Variants in RPS6KA2 observed in about 807,000 individuals in gnomAD.
RPS6KA2 encodes the protein ribosomal protein S6 kinase A2.
In RPS6KA2, 42 loss-of-function variants were observed where a neutral mutation model predicts 91.8. The ratio of observed to expected loss-of-function variants is 0.46; its 90% CI spans 0.36 to 0.59. The LOEUF is 0.59. RPS6KA2 is among the 20% of genes least tolerant of loss of function. RPS6KA2 has a pLI of 0.00. For synonymous variants in RPS6KA2, 414 were observed against 393.6 expected (o/e 1.05, Z -0.61); for missense variants, 798 against 978.5 (o/e 0.82, Z 2.46).
At chr6:166,537,221 A>C (rs1000215126) in intron 2 of RPS6KA2, among the ~76,000 whole-genome samples, 1 of 152,294 alleles carries the variant, frequency 6.6e-6, no homozygotes, top group Admixed American at 6.5e-5. Context: ...GAAACAATGC[A>C]TGGGCAACAC....
At chr6:166,457,710 C>T (rs1448908419) in intron 12 of RPS6KA2, among the ~76,000 whole-genome samples, 1 of 152,138 alleles carries the variant, frequency 6.6e-6, no homozygotes, top group Non-Finnish European at 1.5e-5. Flanking sequence ...AAAAGTCCCG[C>T]TAAAAGCCCC....
chr6:166,598,644 C>G (rs978258996), intron 1 of RPS6KA2, among the ~76,000 whole-genome samples: 5 of 152,156 alleles, frequency 3.3e-5, no homozygotes, highest in Non-Finnish European at 7.4e-5. Context: ...CATTTTGGCT[C>G]TAAGCGCCTC....
At chr6:166,760,541 T>C (rs1365278320) in intron 2 of RPS6KA2, among the ~76,000 whole-genome samples, 2 of 152,256 alleles carry the variant, frequency 1.3e-5, no homozygotes, top group African/African-American at 4.8e-5. Context: ...AGGTTGATTC[T>C]ATCGCTCCTG....
intron 1 of RPS6KA2, among the ~76,000 whole-genome samples, chr6:166,624,084 AAAAAAAT>A (rs1464594829): frequency 6.6e-6 from 1 of 152,188 alleles, no homozygotes; most frequent in African/African-American, 2.4e-5. Context: ...CTCATTATTT[AAAAAAAT>A]AAAAAATGAA....
chr6:166,621,825 C>T (rs961420155), intron 1 of RPS6KA2, among the ~76,000 whole-genome samples: 1 of 152,174 alleles, frequency 6.6e-6, no homozygotes, highest in African/African-American at 2.4e-5. Context: ...CTGGTTGACC[C>T]GAACGTTGCC....
intron 2 of RPS6KA2, among the ~76,000 whole-genome samples, chr6:166,531,649 G>A (rs1274440157): frequency 2.0e-5 from 3 of 152,168 alleles, no homozygotes; most frequent in Non-Finnish European, 4.4e-5. Flanking sequence ...AGATCCTTTG[G>A]TTTGAGTATC....
In RPS6KA2 at chr6:166,737,050, G is replaced by T. The variant is rs1373008008; in HGVS notation, c.123+121150C>A. Reference sequence around the variant, plus strand: ...AGGAAGGGAAAGAGAGCGGCAAAGCGCATGGAGCCTACGCTTTTTTACAGA... The same window carrying T: ...AGGAAGGGAAAGAGAGCGGCAAAGCTCATGGAGCCTACGCTTTTTTACAGA... On this transcript the variant is annotated intron_variant, in intron 2 of 21. Coordinates refer to the RPS6KA2 transcript ENST00000503859. This position sits in a 1 kb window ranked among gnomAD's most constrained non-coding sequence, Gnocchi z 4.3. Among the ~76,000 whole-genome samples the T allele has an allele frequency of 6.6e-6, 1 of 152,230 alleles. No homozygotes were observed. The highest frequency in any genetic ancestry group is 2.4e-5 in the African/African-American group (1 of 41,456).
chr6:166,700,867 CCT>C (rs1491506263), intron 2 of RPS6KA2, among the ~76,000 whole-genome samples: 22 of 152,132 alleles, frequency 1.4e-4, no homozygotes, highest in African/African-American at 5.1e-4. Context: ...CCTCTGCCAC[CCT>C]TTTTTTGTGT....
At chr6:166,574,341 G>A (rs530722988) in intron 1 of RPS6KA2, among the ~76,000 whole-genome samples, 27 of 152,240 alleles carry the variant, frequency 1.8e-4, no homozygotes, top group African/African-American at 5.3e-4. Flanking sequence ...AGCCCCCAGC[G>A]TCTGTTGTTC....
At chr6:166,811,302 C>A (rs1174874113) in intron 2 of RPS6KA2, among the ~76,000 whole-genome samples, 2 of 152,216 alleles carry the variant, frequency 1.3e-5, no homozygotes, top group Non-Finnish European at 2.9e-5. Flanking sequence ...TGGCCTCAGA[C>A]AGAGCTTGCC....
At chr6:166,522,350 C>T (rs935808102) in intron 3 of RPS6KA2, among the ~76,000 whole-genome samples, 1 of 152,258 alleles carries the variant, frequency 6.6e-6, no homozygotes, top group South Asian at 2.1e-4. Flanking sequence ...GGATGCCGCA[C>T]TGACCGTGCA....
At position 166,648,340 on chromosome 6, in the gene RPS6KA2, T is replaced by G. The variant is rs544652656; in HGVS notation, c.124-109556A>C. Among the ~76,000 whole-genome samples the G allele has an allele frequency of 2.6e-3, 392 of 149,640 alleles. 3 individuals are homozygous for G. Among genetic ancestry groups the G allele is most frequent in the Non-Finnish European group, 4.3e-3 (287 of 66,362 alleles). On this transcript the variant is annotated intron_variant, in intron 2 of 21. Coordinates refer to the RPS6KA2 transcript ENST00000503859. This position sits in a 1 kb window ranked among gnomAD's most constrained non-coding sequence, Gnocchi z 4.8. ...GCACACACACATACATGCACACGCT[T>G]CTCCTCACTCCCTGATTTTTATGCT...
intron 1 of RPS6KA2, among the ~76,000 whole-genome samples, chr6:166,625,085 G>A (rs1786805156): frequency 1.3e-5 from 2 of 152,124 alleles, no homozygotes; most frequent in South Asian, 4.1e-4. Flanking sequence ...GCCCGCCTTA[G>A]GCTCCCAAAG....
At chr6:166,424,465 G>C (rs1238575118) in intron 16 of RPS6KA2, among the ~76,000 whole-genome samples, 1 of 151,764 alleles carries the variant, frequency 6.6e-6, no homozygotes, top group Non-Finnish European at 1.5e-5. Flanking sequence ...AGTATTTCCT[G>C]CTTCAGGAGA....
intron 15 of RPS6KA2, among the ~76,000 whole-genome samples, chr6:166,431,286 C>G (rs975657511): frequency 2.6e-5 from 4 of 152,214 alleles, no homozygotes; most frequent in Non-Finnish European, 5.9e-5. Flanking sequence ...CTTGCAAGAG[C>G]AGGGCCTCAA....
chr6:166,713,818 A>C (rs1233719606), intron 2 of RPS6KA2, among the ~76,000 whole-genome samples: 1 of 152,250 alleles, frequency 6.6e-6, no homozygotes, highest in African/African-American at 2.4e-5. Flanking sequence ...CGTTATCTGC[A>C]GAGACGACTG....
chr6:166,755,144 CT>C (rs1777971025), intron 2 of RPS6KA2, among the ~76,000 whole-genome samples: 1 of 152,198 alleles, frequency 6.6e-6, no homozygotes, highest in African/African-American at 2.4e-5. Flanking sequence ...TGAAGGGTGG[CT>C]TGGAGGTTTG....
At chr6:166,752,750 T>C (rs1222058005) in intron 2 of RPS6KA2, among the ~76,000 whole-genome samples, 3 of 152,196 alleles carry the variant, frequency 2.0e-5, no homozygotes, top group African/African-American at 4.8e-5. Flanking sequence ...CACACCATTT[T>C]ATGTGGTTGT....
chr6:166,808,385 C>T (rs1351975297), intron 2 of RPS6KA2, among the ~76,000 whole-genome samples: 1 of 152,218 alleles, frequency 6.6e-6, no homozygotes, highest in Admixed American at 6.5e-5. Context: ...CTGGTTTCTA[C>T]TCCTCAGTGA....
Sources: allele counts gnomAD v4.1 joint callset (sites outside exome capture counted in the v4.1 genomes callset), GRCh38; gene constraint gnomAD v4.1.1; non-coding constraint Gnocchi (gnomAD v3.1); transcripts MANE v1.5; gene names NCBI Gene and HGNC (gene_info 2026-07-23, HGNC 2026-07-21).